RORB: variants seen among roughly 807,000 people sequenced by gnomAD.
RORB encodes nuclear receptor ROR-beta.
Under a neutral mutation model 59.1 loss-of-function variants are expected in RORB, and 6 were observed. The ratio of observed to expected loss-of-function variants is 0.10; its 90% CI spans 0.06 to 0.20. RORB has a LOEUF of 0.20. Ranked by LOEUF, RORB falls within the 10% of genes least tolerant of loss-of-function variation. The pLI is 1.00. For missense variants in RORB, 320 were observed against 560.5 expected, an observed-to-expected ratio of 0.57 and a Z score of 4.33; for synonymous variants, 215 against 204.5, an observed-to-expected ratio of 1.05 and a Z score of -0.44.
chr9:74,573,709 A>G (rs540685858), intron 1 of RORB, among the ~76,000 whole-genome samples: 1 of 152,238 alleles, frequency 6.6e-6, no homozygotes, highest in Admixed American at 6.6e-5. Flanking sequence ...CAACTGCCAG[A>G]TTGTCTCCAT....
intron 1 of RORB, among the ~76,000 whole-genome samples, chr9:74,555,044 T>C (rs921757342): frequency 6.6e-6 from 1 of 152,130 alleles, no homozygotes; most frequent in Non-Finnish European, 1.5e-5. Context: ...TCTGAGGAGA[T>C]CAGTCATTAA....
At chr9:74,595,953 C>G (rs1225495116) in intron 1 of RORB, among the ~76,000 whole-genome samples, 1 of 152,132 alleles carries the variant, frequency 6.6e-6, no homozygotes, top group Admixed American at 6.5e-5. Context: ...TACATCTCAG[C>G]TCTATAGAGC....
intron 1 of RORB, among the ~76,000 whole-genome samples, chr9:74,538,519 C>T (rs1380494854): frequency 6.6e-6 from 1 of 151,982 alleles, no homozygotes; most frequent in Non-Finnish European, 1.5e-5. Context: ...AAAGTGCTTC[C>T]TCTGTTAGTA....
Position 74,568,798 on chromosome 9 carries a change from CA to C in RORB, c.8-61483del, listed in dbSNP as rs570284049. On this transcript the variant is annotated intron_variant, in intron 1 of 9. Transcript: ENST00000376896. ...GCATTATCACCTAGAGTGAAATGAA[CA>C]TTTAAAATCTAAACCTAAAATCATA... is the stretch of plus-strand genomic sequence containing the variant. Among the ~76,000 whole-genome samples the C allele has an allele frequency of 5.8e-4, 87 of 150,770 alleles. 1 individual carries two copies. The South Asian group carries it at 0.018, about 31-fold the overall frequency.
chr9:74,591,588 G>A (rs1251960174), intron 1 of RORB, among the ~76,000 whole-genome samples: 1 of 152,130 alleles, frequency 6.6e-6, no homozygotes, highest in Non-Finnish European at 1.5e-5. Context: ...AGACTAGTCT[G>A]ATTATTTATT....
At chr9:74,498,264 C>T in intron 1 of RORB, 1 of 480,532 alleles carries the variant, frequency 2.1e-6, no homozygotes, top group Non-Finnish European at 3.7e-6. Context: ...TGCACTGAAT[C>T]TTTTTTGCTT....
intron 1 of RORB, among the ~76,000 whole-genome samples, chr9:74,529,970 T>C (rs577745185): frequency 6.6e-6 from 1 of 152,050 alleles, no homozygotes; most frequent in East Asian, 1.9e-4. Context: ...CACAGCTATG[T>C]CAAAAAAAAG....
At chr9:74,540,729 G>A (rs1826393029) in intron 1 of RORB, among the ~76,000 whole-genome samples, 1 of 151,886 alleles carries the variant, frequency 6.6e-6, no homozygotes, top group South Asian at 2.1e-4. Flanking sequence ...GATCATTTGG[G>A]ATGCTTCCAG....
intron 1 of RORB, among the ~76,000 whole-genome samples, chr9:74,507,538 G>C (rs1825886499): frequency 6.6e-6 from 1 of 152,034 alleles, no homozygotes; most frequent in African/African-American, 2.4e-5. Flanking sequence ...TTCTGCATTA[G>C]TATGAAAACT....
chr9:74,656,018 C>A (rs1320864983), intron 4 of RORB, among the ~76,000 whole-genome samples: 2 of 152,204 alleles, frequency 1.3e-5, no homozygotes, highest in East Asian at 3.8e-4. Flanking sequence ...TTTCCCACCA[C>A]AAGGATATGG....
intron 1 of RORB, among the ~76,000 whole-genome samples, chr9:74,613,672 G>A (rs554408810): frequency 3.1e-4 from 47 of 152,186 alleles, no homozygotes; most frequent in South Asian, 1.0e-3. Context: ...CACTAAGTTC[G>A]GCTCTACCAT....
intron 4 of RORB, among the ~76,000 whole-genome samples, chr9:74,658,251 A>G (rs1347399349): frequency 6.6e-6 from 1 of 152,154 alleles, no homozygotes; most frequent in African/African-American, 2.4e-5. Flanking sequence ...CAATTGAGGC[A>G]GAATCAAAGT....
intron 1 of RORB, among the ~76,000 whole-genome samples, chr9:74,627,076 C>T (rs1481991976): frequency 5.9e-5 from 9 of 151,320 alleles, no homozygotes; most frequent in East Asian, 1.9e-4. Context: ...GTGGGAGAAT[C>T]GCTTGAGCAG....
intron 1 of RORB, 133 bp from the exon 2 acceptor site, chr9:74,630,149 C>T: frequency 8.5e-7 from 1 of 1,177,948 alleles, no homozygotes. Context: ...ATGGATGACT[C>T]CCACACCACC....
At chr9:74,544,928 T>C (rs370188396) in intron 1 of RORB, among the ~76,000 whole-genome samples, 1 of 152,136 alleles carries the variant, frequency 6.6e-6, no homozygotes. Flanking sequence ...CAGGCACAAA[T>C]GGGGAGGCCA....
chr9:74,576,054 T>G (rs1466842830), intron 1 of RORB, among the ~76,000 whole-genome samples: 1 of 152,100 alleles, frequency 6.6e-6, no homozygotes, highest in Non-Finnish European at 1.5e-5. Context: ...TAATTGTGGA[T>G]GTTCAATAAA....
chr9:74,563,010 G>C (rs1253391358), intron 1 of RORB, among the ~76,000 whole-genome samples: 1 of 151,924 alleles, frequency 6.6e-6, no homozygotes, highest in East Asian at 1.9e-4. Flanking sequence ...TATAATCACA[G>C]TACACTCATC....
chr9:74,634,561 T>G, intron 2 of RORB, 70 bp from the exon 3 acceptor site: 1 of 1,374,642 alleles, frequency 7.3e-7, no homozygotes. Flanking sequence ...ATGTAGCAAA[T>G]GTATACATTA....
At chr9:74,569,822 A>G (rs112950791) in intron 1 of RORB, among the ~76,000 whole-genome samples, 3 of 152,102 alleles carry the variant, frequency 2.0e-5, no homozygotes, top group African/African-American at 4.8e-5. Context: ...CTGTATATAA[A>G]TAAGGCCAAA....
Sources: allele counts gnomAD v4.1 joint callset (sites outside exome capture counted in the v4.1 genomes callset), GRCh38; gene constraint gnomAD v4.1.1; transcripts MANE v1.5; gene names NCBI Gene and HGNC (gene_info 2026-07-23, HGNC 2026-07-21).